The following PTPN4 variants were observed in gnomAD, a reference collection of about 807,000 sequenced individuals.
The protein encoded by PTPN4 is protein tyrosine phosphatase non-receptor type 4, also known as tyrosine-protein phosphatase non-receptor type 4.
Under a neutral mutation model 135.5 loss-of-function variants are expected in PTPN4, and 49 were observed. The ratio of observed to expected loss-of-function variants is 0.36; its 90% CI spans 0.29 to 0.46. The LOEUF is 0.46. PTPN4 is among the 20% of genes least tolerant of loss of function. PTPN4 has a pLI of 1.00. For missense variants in PTPN4, 860 were observed against 1,101.0 expected (o/e 0.78, Z 3.10); for synonymous variants, 333 against 369.9 (o/e 0.90, Z 1.14).
chr2:119,912,433 G>T (rs1678585036), intron 10 of PTPN4, among the ~76,000 whole-genome samples: 1 of 152,170 alleles, frequency 6.6e-6, no homozygotes, highest in Non-Finnish European at 1.5e-5. Flanking sequence ...CATTTTGCAT[G>T]TCAGTTATAC....
Position 119,977,256 on chromosome 2 carries a change from C to T in PTPN4, c.*186C>T, listed in dbSNP as rs564426036. The T allele has an allele frequency of 1.8e-5, 17 of 958,324 alleles. No homozygotes were observed. The highest frequency in any genetic ancestry group is 2.2e-5 in the Non-Finnish European group (16 of 723,446). 59.4% of individuals were successfully genotyped at this position (958,324 alleles called of 1,614,324 possible). On this transcript the variant is annotated 3_prime_UTR_variant, in exon 27 of 27. Transcript: ENST00000263708. The stretch of plus-strand genomic sequence containing the variant: ...TGTCACTCTTTCAAAATCTATAACT[C>T]ATGTATTTGAAGACTGTTTCATGCT...
At chr2:119,934,708 A>T in intron 14 of PTPN4, 92 bp from the exon 15 acceptor site, 3 of 1,291,602 alleles carry the variant, frequency 2.3e-6, no homozygotes, top group East Asian at 2.5e-5. Flanking sequence ...TTAAAAACAC[A>T]TACCCCCTTT....
At chr2:119,769,581 T>A (rs1015077143) in intron 1 of PTPN4, among the ~76,000 whole-genome samples, 1 of 152,210 alleles carries the variant, frequency 6.6e-6, no homozygotes, top group Non-Finnish European at 1.5e-5. Context: ...GGAAACCAAG[T>A]GTACAATGAA....
At chr2:119,954,776 GT>G (rs1250432191) in intron 19 of PTPN4, among the ~76,000 whole-genome samples, 2 of 152,154 alleles carry the variant, frequency 1.3e-5, no homozygotes, top group Non-Finnish European at 2.9e-5. Context: ...CTGTGTTCAA[GT>G]TTTTTGTAAC....
rs866741101 is a variant in PTPN4, at chr2:119,760,054, G to C, written c.-348G>C. 1.6e-5 allele frequency: 6 copies of C among 383,708 alleles called. No individual in the cohort carries two copies. Among genetic ancestry groups the C allele is most frequent in the African/African-American group, 1.3e-4 (6 of 47,982 alleles). The allele number at this position is 383,708 out of a possible 1,614,324, so 23.8% of individuals were successfully genotyped here. On this transcript the variant is annotated 5_prime_UTR_variant, in exon 1 of 27. Coordinates refer to ENST00000263708, the MANE Select transcript of PTPN4 (RefSeq NM_002830.4). ...CTGAGCGGGAGAGGAAAGAGACTTG[G>C]CTTTGGCCGCGGGGTCGGAGGATTG... is the stretch of plus-strand genomic sequence containing the variant.
At chr2:119,791,640 A>C (rs1360140868) in intron 1 of PTPN4, among the ~76,000 whole-genome samples, 11 of 152,092 alleles carry the variant, frequency 7.2e-5, no homozygotes, top group Non-Finnish European at 5.9e-5. Context: ...ATGTTTCTGG[A>C]CTAGATATTG....
intron 15 of PTPN4, among the ~76,000 whole-genome samples, chr2:119,941,813 T>A (rs971125160): frequency 2.6e-5 from 4 of 152,152 alleles, no homozygotes; most frequent in African/African-American, 9.7e-5. Context: ...CTGCTTGATT[T>A]GATTGTTTAA....
At chr2:119,808,979 C>T (rs1055409821) in intron 1 of PTPN4, among the ~76,000 whole-genome samples, 1 of 152,130 alleles carries the variant, frequency 6.6e-6, no homozygotes. Context: ...ATCCCAAATA[C>T]TAGTCTTTCT....
intron 3 of PTPN4, among the ~76,000 whole-genome samples, chr2:119,866,005 C>T (rs1344177194): frequency 6.6e-6 from 1 of 152,018 alleles, no homozygotes; most frequent in African/African-American, 2.4e-5. Flanking sequence ...TTTGACTTTT[C>T]AGAATTTCTC....
chr2:119,843,300 T>C lies in PTPN4; in HGVS notation c.139-19236T>C, dbSNP rs540454158. On this transcript the variant is annotated intron_variant, in intron 2 of 26. Transcript: ENST00000263708. ...AGCACATGTTTCAGAGAGCACAGGG[T>C]TGGGGGTAAGGTCACAGATCAACAG... 4.4e-5 allele frequency among the ~76,000 whole-genome samples: 6 copies of C among 137,228 alleles called. No homozygotes were observed. The South Asian group carries it at 1.5e-3, about 34-fold the overall frequency. The allele number at this position is 137,228 out of a possible 152,430, so 90.0% of individuals were successfully genotyped here.
Position 119,760,140 on chromosome 2 carries a change from G to T in PTPN4, c.-262G>T. The T allele has an allele frequency of 2.5e-6, 1 of 392,260 alleles. No homozygotes were observed. Among genetic ancestry groups the T allele is most frequent in the Non-Finnish European group, 4.5e-6 (1 of 222,296 alleles). 24.3% of individuals were successfully genotyped at this position (392,260 alleles called of 1,614,324 possible). A position where few individuals can be genotyped will look rare whatever the true frequency, so the allele number is the denominator to read the frequency against. On this transcript the variant is annotated 5_prime_UTR_variant, in exon 1 of 27. It adds an upstream start codon to the 5' untranslated region. Coordinates refer to ENST00000263708, the MANE Select transcript of PTPN4 (RefSeq NM_002830.4). ...GTGGATTATCTCATCCCTGCAGGGA[G>T]GTAGGAGAGGTCGCCGGCTGCCCGC...
intron 1 of PTPN4, among the ~76,000 whole-genome samples, chr2:119,802,097 G>A (rs535634062): frequency 2.0e-5 from 3 of 152,026 alleles, no homozygotes; most frequent in Non-Finnish European, 2.9e-5. Context: ...GAGAGACGGG[G>A]TTTCACCCTG....
At chr2:119,844,299 C>CCCGGACGGGGCGGCTGG (rs1373525974) in intron 2 of PTPN4, among the ~76,000 whole-genome samples, 18 of 136,140 alleles carry the variant, frequency 1.3e-4, no homozygotes, top group Non-Finnish European at 1.9e-4. Context: ...CCACCTCCCT[C>CCCGGACGGGGCGGCTGG]CCGGACGGGG....
intron 13 of PTPN4, among the ~76,000 whole-genome samples, chr2:119,929,952 A>C (rs569532951): frequency 6.6e-6 from 1 of 152,150 alleles, no homozygotes; most frequent in South Asian, 2.1e-4. Context: ...GTAGTTTAAT[A>C]TTTGAGGAAA....
intron 2 of PTPN4, among the ~76,000 whole-genome samples, chr2:119,848,760 C>G (rs935320041): frequency 3.3e-5 from 5 of 151,968 alleles, no homozygotes; most frequent in Non-Finnish European, 7.4e-5. Context: ...GCCACCACGC[C>G]TAGCTAGTTT....
In PTPN4 at chr2:119,780,026, A is replaced by G. The variant is rs565655522; in HGVS notation, c.-18+19642A>G. ...CTCTTAAAGTGCTGGGATTACAGGC[A>G]TGAGCCACCACACCTGGCTGAAATA... On this transcript the variant is annotated intron_variant, in intron 1 of 26. Coordinates refer to ENST00000263708, the MANE Select transcript of PTPN4 (RefSeq NM_002830.4). Among the ~76,000 whole-genome samples the G allele has an allele frequency of 3.3e-3, 495 of 152,082 alleles. 2 individuals carry two copies. Among genetic ancestry groups the G allele is most frequent in the African/African-American group, 0.011 (468 of 41,436 alleles).
At position 119,912,135 on chromosome 2, in the gene PTPN4, G is replaced by C. The variant is rs373634436; in HGVS notation, c.765-3044G>C. 2.6e-5 allele frequency among the ~76,000 whole-genome samples: 4 copies of C among 152,302 alleles called. No homozygotes were observed. The East Asian group carries it at 5.8e-4, about 22-fold the overall frequency. On this transcript the variant is annotated intron_variant, in intron 10 of 26. Coordinates refer to ENST00000263708, the MANE Select transcript of PTPN4 (RefSeq NM_002830.4). ...AAGATTTAGTGAAAAACACAATGCA[G>C]ATGAATCTCTAAATAATTAAGCGGA...
chr2:119,902,572 A>G (rs1253437122), intron 10 of PTPN4, among the ~76,000 whole-genome samples: 1 of 152,256 alleles, frequency 6.6e-6, no homozygotes, highest in Non-Finnish European at 1.5e-5. Flanking sequence ...CAGATCAGCA[A>G]GTAGATAAAC....
At chr2:119,807,035 A>G (rs1447389412) in intron 1 of PTPN4, among the ~76,000 whole-genome samples, 3 of 152,214 alleles carry the variant, frequency 2.0e-5, no homozygotes, top group Non-Finnish European at 2.9e-5. Context: ...ACCAATGAGA[A>G]CAAAGACACA....
Sources: gnomAD v4.1 joint callset for allele counts (sites outside exome capture counted in the v4.1 genomes callset) on GRCh38, gnomAD v4.1.1 for gene constraint, MANE v1.5 for transcripts, NCBI Gene and HGNC (gene_info 2026-07-23, HGNC 2026-07-21) for gene names.